ADCY5: variants seen among roughly 807,000 people sequenced by gnomAD.
ADCY5 encodes adenylate cyclase 5, also known as adenylate cyclase type 5.
ADCY5 carries 30 observed loss-of-function variants against 119.7 expected under a neutral mutation model. The observed-to-expected ratio is 0.25, with a 90% CI of 0.19 to 0.34. The LOEUF (loss-of-function observed/expected upper bound fraction) is 0.34. Ranked by LOEUF, ADCY5 falls within the 10% of genes least tolerant of loss-of-function variation. The pLI, the probability that ADCY5 is intolerant of heterozygous loss-of-function variation, is 1.00. For synonymous variants in ADCY5, 753 were observed against 762.2 expected (o/e 0.99, Z 0.20); for missense variants, 1,324 against 1,775.2 (o/e 0.75, Z 4.57).
Position 123,347,751 on chromosome 3 carries a change from T to C in ADCY5, c.1406+31A>G, listed in dbSNP as rs201751072. On this transcript the variant is annotated intron_variant, in intron 3 of 20. Coordinates refer to ENST00000462833, the MANE Select transcript of ADCY5 (RefSeq NM_183357.3). The stretch of plus-strand genomic sequence containing the variant: ...CCACAGGGGTCCAGCTCTCCCTCCC[T>C]TCCATCCTCCTCCCCCAGCTTCACC... 3.3e-4 allele frequency: 535 copies of C among 1,613,178 alleles called. 1 individual carries two copies. In the African/African-American group the frequency reaches 6.5e-3, roughly 20 times the overall value.
intron 1 of ADCY5, among the ~76,000 whole-genome samples, chr3:123,397,643 C>A (rs74460830): frequency 0.017 from 2,613 of 152,296 alleles, 76 homozygotes; most frequent in African/African-American, 0.06. Context: ...TCAAAATTTT[C>A]AAAGCTCATG....
intron 1 of ADCY5, among the ~76,000 whole-genome samples, chr3:123,431,962 C>T (rs1238269229): frequency 6.6e-6 from 1 of 152,192 alleles, no homozygotes; most frequent in African/African-American, 2.4e-5. Context: ...CACAGCATTA[C>T]AAAACGCTGA....
intron 1 of ADCY5, among the ~76,000 whole-genome samples, chr3:123,390,933 G>T (rs567878408): frequency 6.6e-6 from 1 of 152,036 alleles, no homozygotes; most frequent in Non-Finnish European, 1.5e-5. Context: ...ACATTTCAAG[G>T]CCTCCCTCTT....
intron 1 of ADCY5, among the ~76,000 whole-genome samples, chr3:123,431,942 C>G (rs998614776): frequency 6.6e-6 from 1 of 152,186 alleles, no homozygotes; most frequent in Non-Finnish European, 1.5e-5. Context: ...TGGCGCACAA[C>G]AGAATCACCC....
intron 1 of ADCY5, among the ~76,000 whole-genome samples, chr3:123,374,040 AAC>A (rs1390030364): frequency 6.6e-6 from 1 of 152,182 alleles, no homozygotes; most frequent in African/African-American, 2.4e-5. Flanking sequence ...TAAGGTAGAA[AAC>A]ACAGGAGAAA....
chr3:123,379,686 T>C (rs1248299723), intron 1 of ADCY5, among the ~76,000 whole-genome samples: 1 of 151,202 alleles, frequency 6.6e-6, no homozygotes, highest in East Asian at 2.0e-4. Flanking sequence ...GGGGTGGGTG[T>C]GTGGGTGAGG....
chr3:123,434,532 G>A (rs550265566), intron 1 of ADCY5, among the ~76,000 whole-genome samples: 2 of 152,332 alleles, frequency 1.3e-5, no homozygotes, highest in East Asian at 1.9e-4. Context: ...CCTCGTCAGA[G>A]TTGCCATGAG....
At chr3:123,419,533 T>C (rs1484748955) in intron 1 of ADCY5, among the ~76,000 whole-genome samples, 1 of 152,048 alleles carries the variant, frequency 6.6e-6, no homozygotes, top group Non-Finnish European at 1.5e-5. Flanking sequence ...TGGATCCCCT[T>C]TTACACTTCG....
chr3:123,319,376 GAAAA>G (rs919150693), intron 10 of ADCY5, among the ~76,000 whole-genome samples: 1 of 140,412 alleles, frequency 7.1e-6, no homozygotes, highest in Non-Finnish European at 1.6e-5. Context: ...AATGAAAAAA[GAAAA>G]AAAAAAAGAA....
At position 123,347,911 on chromosome 3, in the gene ADCY5, G is replaced by T. The variant is rs201309229; in HGVS notation, c.1285-8C>A. On this transcript the variant is annotated splice_polypyrimidine_tract_variant and splice_region_variant and intron_variant, in intron 2 of 20. Coordinates refer to ENST00000462833, the MANE Select transcript of ADCY5 (RefSeq NM_183357.3). Reference sequence around the variant, plus strand: ...AGACAGCAGGAGCCGTTCCTGCAGAGGGAAGCACATGCTTTCATCACCACG... The same window carrying T: ...AGACAGCAGGAGCCGTTCCTGCAGATGGAAGCACATGCTTTCATCACCACG... 547 of 1,613,978 alleles carry T rather than the reference G, an allele frequency of 3.4e-4. 2 individuals are homozygous for T. The Middle Eastern group carries it at 3.5e-3, about 10-fold the overall frequency.
intron 1 of ADCY5, among the ~76,000 whole-genome samples, chr3:123,408,191 C>A (rs1944952375): frequency 6.6e-6 from 1 of 152,120 alleles, no homozygotes; most frequent in South Asian, 2.1e-4. Flanking sequence ...CATGGAACAT[C>A]ACTTCCAAGG....
intron 18 of ADCY5, 119 bp from the exon 19 acceptor site, chr3:123,290,073 C>G: frequency 2.1e-6 from 2 of 973,234 alleles, no homozygotes; most frequent in Non-Finnish European, 3.1e-6. Context: ...CCGCTCTTCA[C>G]ACAGTGGGGC....
At chr3:123,291,587 G>C (rs1217393192) in intron 17 of ADCY5, among the ~76,000 whole-genome samples, 1 of 152,136 alleles carries the variant, frequency 6.6e-6, no homozygotes, top group Non-Finnish European at 1.5e-5. Flanking sequence ...TTGACAATCA[G>C]AAAAGACATT....
intron 1 of ADCY5, among the ~76,000 whole-genome samples, chr3:123,386,564 C>A (rs1271431752): frequency 6.6e-6 from 1 of 152,186 alleles, no homozygotes; most frequent in East Asian, 1.9e-4. Context: ...CTCTCTCCTT[C>A]CACTCTCAAA....
In ADCY5 at chr3:123,286,077, C is replaced by T. The variant is rs1938735169; in HGVS notation, c.3657+608G>A. Among the ~76,000 whole-genome samples, 1 of 152,184 alleles carries T rather than the reference C, an allele frequency of 6.6e-6. No homozygotes were observed. Among genetic ancestry groups the T allele is most frequent in the Admixed American group, 6.5e-5 (1 of 15,288 alleles). Reference sequence around the variant, plus strand: ...AGGGCCGTGCAGGAGGACTACTGCCCAGGGCGGTGCCTCTGCCATCAGACT... The same window carrying T: ...AGGGCCGTGCAGGAGGACTACTGCCTAGGGCGGTGCCTCTGCCATCAGACT... On this transcript the variant is annotated intron_variant, in intron 20 of 20. Transcript: ENST00000462833. The surrounding 1 kb of genome is among the most constrained non-coding windows in gnomAD (Gnocchi z 4.2).
At chr3:123,329,015 C>T (rs1384893956) in intron 5 of ADCY5, among the ~76,000 whole-genome samples, 3 of 152,166 alleles carry the variant, frequency 2.0e-5, no homozygotes, top group African/African-American at 4.8e-5. Context: ...CCCGGCCTGG[C>T]CACAAGGTGG....
intron 1 of ADCY5, among the ~76,000 whole-genome samples, chr3:123,357,359 T>A (rs1473176601): frequency 2.7e-5 from 4 of 150,344 alleles, no homozygotes; most frequent in Non-Finnish European, 5.9e-5. Context: ...GAGGCCAGAG[T>A]CTATTTGGAG....
chr3:123,320,337 G>T (rs1352169235), intron 9 of ADCY5, among the ~76,000 whole-genome samples: 2 of 152,232 alleles, frequency 1.3e-5, no homozygotes, highest in African/African-American at 4.8e-5. Context: ...GTTTCTCAGG[G>T]TGGAGCCCAG....
chr3:123,410,744 C>T (rs1347017971), intron 1 of ADCY5, among the ~76,000 whole-genome samples: 1 of 152,126 alleles, frequency 6.6e-6, no homozygotes, highest in Non-Finnish European at 1.5e-5. Context: ...AACTCCTGAG[C>T]TCAAGCGATC....
Sources: allele counts gnomAD v4.1 joint callset (sites outside exome capture counted in the v4.1 genomes callset), GRCh38; gene constraint gnomAD v4.1.1; non-coding constraint Gnocchi (gnomAD v3.1); transcripts MANE v1.5; gene names NCBI Gene and HGNC (gene_info 2026-07-23, HGNC 2026-07-21).